The following MAP3K1 variants were observed in gnomAD, a reference collection of about 807,000 sequenced individuals.
The protein encoded by MAP3K1 is MAP/ERK kinase kinase 1.
MAP3K1 carries 36 observed loss-of-function variants against 144.2 expected under a neutral mutation model. That is an observed-to-expected ratio of 0.25 (90% CI 0.19 to 0.33). The LOEUF is 0.33. Among genes scored for constraint, MAP3K1 ranks in the 10% least tolerant of loss-of-function variants. The probability of loss-of-function intolerance (pLI) is 1.00; values close to 1 mark genes in which losing one functional copy is unlikely to be tolerated. For missense variants in MAP3K1, 1,650 were observed against 1,881.9 expected (o/e 0.88, Z 2.28); for synonymous variants, 718 against 688.7 (o/e 1.04, Z -0.67).
At chr5:56,891,157 C>A (rs144129281) in intron 19 of MAP3K1, among the ~76,000 whole-genome samples, 52,963 of 148,040 alleles carry the variant, frequency 0.36, 10,800 homozygotes, top group Non-Finnish European at 0.45. Context: ...CACCCCCCCC[C>A]CCCACACACA....
chr5:56,818,348 G>T (rs140538239), intron 1 of MAP3K1, among the ~76,000 whole-genome samples: 1,868 of 152,062 alleles, frequency 0.012, 16 homozygotes, highest in Non-Finnish European at 0.019. Context: ...AATATCAATT[G>T]AACTTTATGT....
At chr5:56,842,974 G>A (rs77350144) in intron 1 of MAP3K1, among the ~76,000 whole-genome samples, 3 of 152,216 alleles carry the variant, frequency 2.0e-5, no homozygotes, top group African/African-American at 4.8e-5. Context: ...TATGTGGTAT[G>A]GCTTCTTACC....
At chr5:56,868,184 A>G (rs368829765) in intron 6 of MAP3K1, among the ~76,000 whole-genome samples, 1 of 152,108 alleles carries the variant, frequency 6.6e-6, no homozygotes, top group Admixed American at 6.6e-5. Flanking sequence ...GAAAATAGCC[A>G]AAGACGATAT....
At chr5:56,835,945 T>G (rs1335393015) in intron 1 of MAP3K1, among the ~76,000 whole-genome samples, 1 of 152,182 alleles carries the variant, frequency 6.6e-6, no homozygotes, top group Non-Finnish European at 1.5e-5. Context: ...TTTGTTTAAA[T>G]TGTAGCTTGT....
intron 7 of MAP3K1, 43 bp downstream of exon 7, chr5:56,872,074 C>G: frequency 1.2e-6 from 2 of 1,612,162 alleles, no homozygotes; most frequent in Non-Finnish European, 1.7e-6. Context: ...AACACAGTTG[C>G]TCTCTGAGCT....
At position 56,882,173 on chromosome 5, in the gene MAP3K1, A is replaced by G. The variant is rs1748239872; in HGVS notation, c.2973A>G (p.Pro991=). 4.3e-6 allele frequency: 7 copies of G among 1,613,944 alleles called. No individual in the cohort carries two copies. The highest frequency in any genetic ancestry group is 1.6e-4 in the Middle Eastern group (1 of 6,084). Residue 991 remains proline (P), a synonymous_variant, in exon 14 of 20, where the codon CCA becomes CCG. Transcript: ENST00000399503. ...PALSTPSSST[P]SVPAGTATDV... is the part of the protein sequence containing the mutation. Reference sequence around the variant, plus strand: ...TGTCAACCCCTTCTTCTTCTACCCCATCTGTACCAGCTGGCACTGCAACAG... The same window carrying G: ...TGTCAACCCCTTCTTCTTCTACCCCGTCTGTACCAGCTGGCACTGCAACAG...
chr5:56,880,718 A>G lies in MAP3K1; in HGVS notation c.2095A>G (p.Ser699Gly), dbSNP rs1561198437. The change falls in exon 12 of 20, where the codon AGT becomes GGT. Residue 699 changes from serine (S) to glycine (G), a missense_variant. Coordinates refer to ENST00000399503, the MANE Select transcript of MAP3K1 (RefSeq NM_005921.2). ...VKCADANSRTSQLSISTLLEL... is the reference protein window; with the variant it reads ...VKCADANSRTGQLSISTLLEL... ...CTTTTCCTTTGTTTTTAGCCGCACA[A>G]GTCAGCTGTCCATATCAACACTGTT... 7 of 1,613,282 alleles carry G rather than the reference A, an allele frequency of 4.3e-6. No homozygotes were observed. The highest frequency in any genetic ancestry group is 5.1e-6 in the Non-Finnish European group (6 of 1,179,378).
At chr5:56,838,746 T>G (rs1231161590) in intron 1 of MAP3K1, among the ~76,000 whole-genome samples, 8 of 152,194 alleles carry the variant, frequency 5.3e-5, no homozygotes, top group Admixed American at 5.2e-4. Flanking sequence ...CGTCTTCCAG[T>G]GGATTGACTA....
chr5:56,886,078 AATT>A lies in MAP3K1; in HGVS notation c.4114+21_4114+23del. The A allele has an allele frequency of 1.2e-6, 2 of 1,605,908 alleles. No homozygotes were observed. On this transcript the variant is annotated intron_variant, in intron 17 of 19. Transcript: ENST00000399503. Reference sequence around the variant, plus strand: ...AGATGTCAAAGGTGAGAATTCTTCTAATTATTATCTAGTGACAATAAAAAAATT... The same window carrying A: ...AGATGTCAAAGGTGAGAATTCTTCTAATTATCTAGTGACAATAAAAAAATT...
intron 1 of MAP3K1, among the ~76,000 whole-genome samples, chr5:56,816,548 C>G (rs748077316): frequency 1.2e-4 from 18 of 151,994 alleles, no homozygotes; most frequent in Non-Finnish European, 2.2e-4. Context: ...CTGAGAGGAC[C>G]GAAGAGAAAG....
At chr5:56,817,745 T>C (rs1400991030) in intron 1 of MAP3K1, among the ~76,000 whole-genome samples, 1 of 152,238 alleles carries the variant, frequency 6.6e-6, no homozygotes, top group East Asian at 1.9e-4. Context: ...TTGTATCTAT[T>C]GAGACCTAAC....
chr5:56,882,276 T>A lies in MAP3K1; in HGVS notation c.3076T>A (p.Ser1026Thr), dbSNP rs1209833340. 1 of 1,614,114 alleles carries A rather than the reference T, an allele frequency of 6.2e-7. No homozygotes were observed. The highest frequency in any genetic ancestry group is 2.2e-5 in the East Asian group (1 of 44,880). Reference sequence around the variant, plus strand: ...ATCTCCTCAAACACAGCGCAAGTTTTCTCTACAATTCCACAGAAACTGTCC... The same window carrying A: ...ATCTCCTCAAACACAGCGCAAGTTTACTCTACAATTCCACAGAAACTGTCC... ...SASPQTQRKF[S>T]LQFHRNCPEN... The change falls in exon 14 of 20, where the codon TCT becomes ACT. Residue 1026 changes from serine (S) to threonine (T), a missense_variant. Around this residue, in one of 6 missense-constraint regions of MAP3K1, gnomAD observed 841 missense variants for 886.5 expected, o/e 0.95. Transcript: ENST00000399503.
intron 1 of MAP3K1, among the ~76,000 whole-genome samples, chr5:56,850,433 C>T (rs1747134249): frequency 6.6e-6 from 1 of 152,016 alleles, no homozygotes; most frequent in Non-Finnish European, 1.5e-5. Context: ...TCTTAGTTGC[C>T]TCTATTGCAG....
At chr5:56,851,292 C>T (rs1356659764) in intron 1 of MAP3K1, among the ~76,000 whole-genome samples, 1 of 152,180 alleles carries the variant, frequency 6.6e-6, no homozygotes, top group Non-Finnish European at 1.5e-5. Flanking sequence ...GTGTGCCAGG[C>T]ATTGTGCAGA....
intron 1 of MAP3K1, among the ~76,000 whole-genome samples, chr5:56,837,549 A>T (rs72758071): frequency 6.6e-6 from 1 of 152,290 alleles, no homozygotes; most frequent in Non-Finnish European, 1.5e-5. Context: ...CTGGCGTAGA[A>T]GTTCATATTG....
chr5:56,864,617 C>A, intron 3 of MAP3K1, 117 bp from the exon 4 acceptor site: 6 of 1,014,624 alleles, frequency 5.9e-6, no homozygotes, highest in Non-Finnish European at 7.7e-6. Flanking sequence ...TCATGATCCG[C>A]CCTCCTCGGC....
At chr5:56,818,775 T>C (rs1258728906) in intron 1 of MAP3K1, among the ~76,000 whole-genome samples, 1 of 152,200 alleles carries the variant, frequency 6.6e-6, no homozygotes, top group African/African-American at 2.4e-5. Flanking sequence ...AACCAAACTA[T>C]CAATTTGCTG....
intron 3 of MAP3K1, 74 bp downstream of exon 3, chr5:56,859,989 C>T: frequency 7.8e-7 from 1 of 1,275,688 alleles, no homozygotes; most frequent in Non-Finnish European, 1.1e-6. Context: ...AAAGACTGGC[C>T]AGCCATCTGT....
chr5:56,833,954 A>G (rs1746570184), intron 1 of MAP3K1, among the ~76,000 whole-genome samples: 1 of 152,094 alleles, frequency 6.6e-6, no homozygotes, highest in African/African-American at 2.4e-5. Flanking sequence ...ACCTTCTTTG[A>G]TAATTATAAG....
Sources: allele counts gnomAD v4.1 joint callset (sites outside exome capture counted in the v4.1 genomes callset), GRCh38; gene constraint gnomAD v4.1.1; regional missense constraint gnomAD v4.1.1; transcripts MANE v1.5; gene names NCBI Gene and HGNC (gene_info 2026-07-23, HGNC 2026-07-21).